ALK: variants seen among roughly 807,000 people sequenced by gnomAD.
The protein encoded by ALK is ALK tyrosine kinase receptor.
ALK carries 74 observed loss-of-function variants against 163.1 expected under a neutral mutation model. The observed-to-expected ratio is 0.45, with a 90% confidence interval of 0.38 to 0.55. The LOEUF (loss-of-function observed/expected upper bound fraction) is 0.55. ALK is among the 20% of genes least tolerant of loss of function. The probability of loss-of-function intolerance (pLI) is 0.00; values close to 1 mark genes in which losing one functional copy is unlikely to be tolerated. For synonymous variants in ALK, 960 were observed against 843.2 expected, an observed-to-expected ratio of 1.14 and a Z score of -2.40; for missense variants, 2,063 against 2,105.3, an observed-to-expected ratio of 0.98 and a Z score of 0.39.
chr2:29,773,496 C>T (rs1022614687), intron 1 of ALK, among the ~76,000 whole-genome samples: 3 of 152,174 alleles, frequency 2.0e-5, no homozygotes, highest in African/African-American at 7.2e-5. Context: ...ACTCGACTGA[C>T]TTCAGTTTTG....
chr2:29,540,476 A>AGGCCAAATATTATCAAACT (rs1673383641), intron 3 of ALK, among the ~76,000 whole-genome samples: 1 of 152,066 alleles, frequency 6.6e-6, no homozygotes, highest in Non-Finnish European at 1.5e-5. Flanking sequence ...GCTTTATATG[A>AGGCCAAATATTATCAAACT]ATAATCAGGC....
intron 1 of ALK, among the ~76,000 whole-genome samples, chr2:29,718,484 C>A (rs183970947): frequency 6.6e-6 from 1 of 152,092 alleles, no homozygotes; most frequent in Non-Finnish European, 1.5e-5. Flanking sequence ...GCAGACAAAG[C>A]CTTTTTTGTT....
chr2:29,514,234 A>G (rs1167280132), intron 4 of ALK, among the ~76,000 whole-genome samples: 1 of 147,908 alleles, frequency 6.8e-6, no homozygotes, highest in Non-Finnish European at 1.5e-5. Flanking sequence ...ACAATAGCAA[A>G]GACTTGGAAC....
intron 4 of ALK, among the ~76,000 whole-genome samples, chr2:29,514,432 T>C (rs1249600197): frequency 3.9e-5 from 6 of 152,062 alleles, no homozygotes; most frequent in Non-Finnish European, 4.4e-5. Context: ...TTCTCACTCA[T>C]AGGTGGGAAT....
intron 2 of ALK, among the ~76,000 whole-genome samples, chr2:29,707,457 T>C (rs1000566777): frequency 6.6e-6 from 1 of 152,112 alleles, no homozygotes; most frequent in Non-Finnish European, 1.5e-5. Context: ...GGGAGGCTCT[T>C]TGCCTGGGAG....
intron 1 of ALK, among the ~76,000 whole-genome samples, chr2:29,861,400 A>C (rs1666287315): frequency 6.6e-6 from 1 of 152,240 alleles, no homozygotes; most frequent in African/African-American, 2.4e-5. Flanking sequence ...ACAGATCTTT[A>C]CTATGAAAAA....
At chr2:29,635,789 T>TTA (rs1553340447) in intron 3 of ALK, among the ~76,000 whole-genome samples, 30 of 148,476 alleles carry the variant, frequency 2.0e-4, no homozygotes, top group South Asian at 8.6e-4. Context: ...TTTTTTTTTT[T>TTA]AATTATACTT....
rs201759867 is a variant in ALK, at chr2:29,193,676, C to T, written c.4411G>A (p.Val1471Met). The change falls in exon 29 of 29, where the codon GTG (valine) becomes ATG (methionine). Residue 1471 changes from valine (V) to methionine (M), a missense_variant. Val to Met is a conservative substitution (Grantham distance 21). Transcript: ENST00000389048. ...ISVRVPRGPA[V>M]EGGHVNMAFS... ...GCCATATTCACGTGTCCCCCTTCCACGGCCGGCCCTCTAGGGACTCGAACA... is the reference window on the plus strand; with the variant it reads ...GCCATATTCACGTGTCCCCCTTCCATGGCCGGCCCTCTAGGGACTCGAACA... 3.3e-5 allele frequency: 53 copies of T among 1,614,058 alleles called. No homozygotes were observed. Among genetic ancestry groups the T allele is most frequent in the Admixed American group, 6.7e-5 (4 of 60,024 alleles).
intron 1 of ALK, among the ~76,000 whole-genome samples, chr2:29,902,508 C>A (rs1388906057): frequency 6.6e-6 from 1 of 152,192 alleles, no homozygotes; most frequent in South Asian, 2.1e-4. Context: ...TTACATCAGG[C>A]CTTTGATGGC....
intron 14 of ALK, among the ~76,000 whole-genome samples, chr2:29,232,804 G>A (rs77159869): frequency 0.019 from 2,869 of 152,294 alleles, 49 homozygotes; most frequent in Admixed American, 0.034. Context: ...GTGATTAGAA[G>A]CAGGTCTCTC....
intron 1 of ALK, among the ~76,000 whole-genome samples, chr2:29,755,111 G>A (rs1680478544): frequency 1.3e-5 from 2 of 152,190 alleles, no homozygotes; most frequent in Non-Finnish European, 2.9e-5. Context: ...GGAGGCTGAA[G>A]TGACAGTAGG....
At chr2:29,529,379 C>T (rs1673055344) in intron 4 of ALK, among the ~76,000 whole-genome samples, 1 of 152,244 alleles carries the variant, frequency 6.6e-6, no homozygotes, top group South Asian at 2.1e-4. Flanking sequence ...TCACATTCAA[C>T]ATCACCAGGA....
At chr2:29,390,455 C>T (rs1215598946) in intron 4 of ALK, among the ~76,000 whole-genome samples, 1 of 152,160 alleles carries the variant, frequency 6.6e-6, no homozygotes, top group Non-Finnish European at 1.5e-5. Flanking sequence ...CATTCCTCCA[C>T]ATGTGTCTTT....
At chr2:29,217,590 T>C (rs1394097355) in intron 23 of ALK, among the ~76,000 whole-genome samples, 1 of 152,166 alleles carries the variant, frequency 6.6e-6, no homozygotes, top group Non-Finnish European at 1.5e-5. Context: ...CATTTCATGT[T>C]TGCACAGATG....
intron 5 of ALK, among the ~76,000 whole-genome samples, chr2:29,328,700 C>T (rs1187564898): frequency 6.6e-6 from 1 of 152,212 alleles, no homozygotes; most frequent in Non-Finnish European, 1.5e-5. Flanking sequence ...TCATCCATGG[C>T]CTGCTGGGGT....
intron 3 of ALK, among the ~76,000 whole-genome samples, chr2:29,641,285 A>G (rs896145872): frequency 6.6e-6 from 1 of 152,112 alleles, no homozygotes; most frequent in Non-Finnish European, 1.5e-5. Context: ...GGGAGGCCAC[A>G]GTCTTTCAAG....
At chr2:29,560,902 A>ATT (rs35764149) in intron 3 of ALK, among the ~76,000 whole-genome samples, 1 of 146,894 alleles carries the variant, frequency 6.8e-6, no homozygotes, top group Non-Finnish European at 1.5e-5. Flanking sequence ...AAAATTATTG[A>ATT]TTTTTTTTTT....
intron 11 of ALK, among the ~76,000 whole-genome samples, chr2:29,270,932 A>G (rs78261232): frequency 0.052 from 7,956 of 152,242 alleles, 248 homozygotes; most frequent in Middle Eastern, 0.078. Flanking sequence ...TAAAGAGAGG[A>G]ACTTGGCTTC....
chr2:29,339,935 G>A (rs914972921), intron 5 of ALK, among the ~76,000 whole-genome samples: 6 of 152,152 alleles, frequency 3.9e-5, no homozygotes, highest in Admixed American at 6.5e-5. Context: ...GGCAGAGTGC[G>A]TTTCATTTTT....
Sources: gnomAD v4.1 joint callset for allele counts (sites outside exome capture counted in the v4.1 genomes callset) on GRCh38, gnomAD v4.1.1 for gene constraint, MANE v1.5 for transcripts, NCBI Gene and HGNC (gene_info 2026-07-23, HGNC 2026-07-21) for gene names.